The following NSF variants were observed in gnomAD, a reference collection of about 807,000 sequenced individuals.
NSF encodes vesicle-fusing ATPase.
Under a neutral mutation model 50.3 loss-of-function variants are expected in NSF, and 14 were observed. That is an observed-to-expected ratio of 0.28 (90% CI 0.18 to 0.44). The LOEUF (loss-of-function observed/expected upper bound fraction) is 0.44, where lower values mean the gene tolerates loss of function less well. Ranked by LOEUF, NSF falls within the 20% of genes least tolerant of loss-of-function variation. NSF has a pLI of 1.00. For missense variants in NSF, 218 were observed against 504.3 expected (o/e 0.43, Z 5.44); for synonymous variants, 109 against 175.7 (o/e 0.62, Z 3.00).
At chr17:46,755,728 T>A in intron 20 of NSF, 74 bp from the exon 21 acceptor site, 1 of 1,397,290 alleles carries the variant, frequency 7.2e-7, no homozygotes, top group South Asian at 1.4e-5. Flanking sequence ...AGTGATTTTT[T>A]TTTTTTTTTT....
chr17:46,742,286 C>T (rs1256062829), intron 17 of NSF, among the ~76,000 whole-genome samples: 1 of 152,056 alleles, frequency 6.6e-6, no homozygotes, highest in Non-Finnish European at 1.5e-5. Flanking sequence ...AGTTACTTTC[C>T]TTTTGGACAC....
At chr17:46,746,105 T>C (rs1046599908) in intron 17 of NSF, among the ~76,000 whole-genome samples, 2 of 152,242 alleles carry the variant, frequency 1.3e-5, no homozygotes, top group Non-Finnish European at 2.9e-5. Context: ...ACTATAATTA[T>C]CTATTTTGCA....
chr17:46,718,696 T>C (rs906429427), intron 15 of NSF, among the ~76,000 whole-genome samples: 10 of 152,206 alleles, frequency 6.6e-5, no homozygotes, highest in African/African-American at 2.4e-4. Flanking sequence ...GGATATGTCA[T>C]TTAACCTATA....
At chr17:46,727,265 C>G (rs1303950790) in intron 16 of NSF, among the ~76,000 whole-genome samples, 1 of 152,152 alleles carries the variant, frequency 6.6e-6, no homozygotes. Flanking sequence ...TTGGTCCTGG[C>G]ACTTAACTCA....
At chr17:46,741,869 C>T (rs1011965752) in intron 17 of NSF, among the ~76,000 whole-genome samples, 5 of 152,258 alleles carry the variant, frequency 3.3e-5, no homozygotes, top group East Asian at 1.9e-4. Context: ...CAGGTTCAAG[C>T]GTTCTCCTGC....
At chr17:46,721,920 A>C (rs2058834783) in intron 15 of NSF, 5 of 1,594,448 alleles carry the variant, frequency 3.1e-6, no homozygotes, top group Non-Finnish European at 4.3e-6. Flanking sequence ...TTTTTCTCCA[A>C]TTCGCGTACT....
intron 1 of NSF, among the ~76,000 whole-genome samples, chr17:46,609,827 CTT>C (rs147645851): frequency 2.2e-4 from 27 of 123,254 alleles, no homozygotes; most frequent in Non-Finnish European, 2.0e-4. Context: ...CTCACTGTTT[CTT>C]TTTTTTTTTT....
intron 15 of NSF, among the ~76,000 whole-genome samples, chr17:46,722,456 C>T (rs539005752): frequency 8.0e-4 from 122 of 152,320 alleles, no homozygotes; most frequent in Admixed American, 1.4e-3. Context: ...ACTTTTCTCG[C>T]ATCTTTCTTT....
chr17:46,755,978 C>G lies in NSF; in HGVS notation c.*155C>G, dbSNP rs2059229998. 1 of 669,846 alleles carries G rather than the reference C, an allele frequency of 1.5e-6. No individual in the cohort carries two copies. Among genetic ancestry groups the G allele is most frequent in the African/African-American group, 1.8e-5 (1 of 54,728 alleles). The allele number at this position is 669,846 out of a possible 1,614,324, so 41.5% of individuals were successfully genotyped here. On this transcript the variant is annotated 3_prime_UTR_variant, in exon 21 of 21. Transcript: ENST00000398238. ...TGCATGATTAGTGCAATAAAACTCC[C>G]TTCCTTATGCATACTGAGATAGCTT...
chr17:46,730,258 T>A (rs776131289), intron 17 of NSF, among the ~76,000 whole-genome samples: 2 of 152,134 alleles, frequency 1.3e-5, no homozygotes, highest in African/African-American at 2.4e-5. Context: ...ATAAAAACTA[T>A]TAGAATGTGA....
intron 1 of NSF, among the ~76,000 whole-genome samples, chr17:46,601,405 CT>C (rs746590783): frequency 3.0e-3 from 126 of 41,622 alleles, no homozygotes; most frequent in African/African-American, 7.0e-3. Flanking sequence ...TATAATTACC[CT>C]TTTTTTTTTT....
chr17:46,723,974 C>T (rs199452), intron 15 of NSF, among the ~76,000 whole-genome samples: 45,163 of 152,032 alleles, frequency 0.3, 7,426 homozygotes, highest in East Asian at 0.61. Flanking sequence ...AGACTCTTTA[C>T]GTCCAAGTTC....
chr17:46,750,686 T>C (rs969582098), intron 18 of NSF, among the ~76,000 whole-genome samples: 1 of 152,206 alleles, frequency 6.6e-6, no homozygotes, highest in Non-Finnish European at 1.5e-5. Context: ...GTATCCAGCA[T>C]GAGTGATGTA....
At chr17:46,694,386 C>T in intron 11 of NSF, 89 bp from the exon 12 acceptor site, 1 of 1,112,020 alleles carries the variant, frequency 9.0e-7, no homozygotes, top group East Asian at 4.8e-5. Flanking sequence ...GACTCTGTCT[C>T]AAAATAATAG....
Position 46,755,939 on chromosome 17 carries a change from A to G in NSF, c.*116A>G. 5 of 966,762 alleles carry G rather than the reference A, an allele frequency of 5.2e-6. No individual in the cohort carries two copies. The highest frequency in any genetic ancestry group is 1.6e-5 in the African/African-American group (1 of 61,562). 59.9% of individuals were successfully genotyped at this position (966,762 alleles called of 1,614,324 possible). On this transcript the variant is annotated 3_prime_UTR_variant, in exon 21 of 21. Transcript: ENST00000398238. Reference sequence around the variant, plus strand: ...CTAAGTGGAACGTTCTCTACCTTCAACATGTGCTCGCTCTGCATGATTAGT... The same window carrying G: ...CTAAGTGGAACGTTCTCTACCTTCAGCATGTGCTCGCTCTGCATGATTAGT...
At chr17:46,720,300 CTG>C (rs930077986) in intron 15 of NSF, among the ~76,000 whole-genome samples, 3 of 152,272 alleles carry the variant, frequency 2.0e-5, no homozygotes, top group Admixed American at 6.5e-5. Context: ...GTTCAATACA[CTG>C]TGTCTTTTGG....
intron 8 of NSF, among the ~76,000 whole-genome samples, chr17:46,657,621 G>A (rs2058270711): frequency 7.9e-6 from 1 of 126,778 alleles, no homozygotes; most frequent in Non-Finnish European, 1.7e-5. Context: ...GATTGCCTTT[G>A]GAAGGTCTGT....
chr17:46,742,632 G>A (rs1478482209), intron 17 of NSF, among the ~76,000 whole-genome samples: 1 of 152,204 alleles, frequency 6.6e-6, no homozygotes, highest in East Asian at 1.9e-4. Flanking sequence ...CTGTGGAAAA[G>A]CTGACATTCA....
chr17:46,737,586 TG>T (rs532362407), intron 17 of NSF, among the ~76,000 whole-genome samples: 225 of 151,832 alleles, frequency 1.5e-3, no homozygotes, highest in African/African-American at 5.2e-3. Flanking sequence ...TGTGTGTGTG[TG>T]TGTGTGTGTG....
Sources: allele counts gnomAD v4.1 joint callset (sites outside exome capture counted in the v4.1 genomes callset), GRCh38; gene constraint gnomAD v4.1.1; transcripts MANE v1.5; gene names NCBI Gene and HGNC (gene_info 2026-07-23, HGNC 2026-07-21).